The following NDUFA8 variants were observed in gnomAD, a reference collection of about 807,000 sequenced individuals.
The protein encoded by NDUFA8 is NADH dehydrogenase [ubiquinone] 1 alpha subcomplex subunit 8.
In NDUFA8, 16 loss-of-function variants were observed where a neutral mutation model predicts 20.9. The ratio of observed to expected loss-of-function variants is 0.77; its 90% CI spans 0.52 to 1.16. The LOEUF (loss-of-function observed/expected upper bound fraction) is 1.16. NDUFA8 is among the 50% of genes most tolerant of loss of function. The pLI is 0.00. For missense variants in NDUFA8, 202 were observed against 216.4 expected (o/e 0.93, Z 0.42); for synonymous variants, 70 against 76.1 (o/e 0.92, Z 0.41).
At position 122,146,874 on chromosome 9, in the gene NDUFA8, A is replaced by G. The variant is rs917405525; in HGVS notation, c.381+1238T>C. On this transcript the variant is annotated intron_variant, in intron 3 of 3. Coordinates refer to ENST00000373768, the MANE Select transcript of NDUFA8 (RefSeq NM_014222.3). ...TCGCACCACTGCATTCCAGCCTAGG[A>G]GAGAGAGTAAGACCTGAGTTTTTTC... 3.3e-5 allele frequency among the ~76,000 whole-genome samples: 5 copies of G among 152,156 alleles called. No individual in the cohort carries two copies. In the South Asian group the frequency reaches 1.0e-3, roughly 32 times the overall value.
chr9:122,147,020 C>T (rs184682427), intron 3 of NDUFA8, among the ~76,000 whole-genome samples: 36 of 152,346 alleles, frequency 2.4e-4, no homozygotes, highest in Admixed American at 1.4e-3. Flanking sequence ...TGCTTTATCT[C>T]ACCAGCAATG....
intron 2 of NDUFA8, among the ~76,000 whole-genome samples, chr9:122,151,250 C>G (rs1049143040): frequency 5.3e-5 from 8 of 152,144 alleles, no homozygotes; most frequent in Admixed American, 6.5e-5. Context: ...TCCGTAACAT[C>G]CTTCTAATTT....
chr9:122,151,743 T>C (rs1296296821), intron 2 of NDUFA8, among the ~76,000 whole-genome samples: 1 of 152,256 alleles, frequency 6.6e-6, no homozygotes, highest in Non-Finnish European at 1.5e-5. Flanking sequence ...AATAGAGTGC[T>C]AATATGCTTG....
chr9:122,157,829 T>C lies in NDUFA8; in HGVS notation c.51+1798A>G, dbSNP rs139026062. On this transcript the variant is annotated intron_variant, in intron 1 of 3. Transcript: ENST00000373768. ...ATAACAGTTGCCACTCTCACAGGCA[T>C]CTAAGATTAAATGAAGCATTGCAGG... Among the ~76,000 whole-genome samples, 911 of 152,278 alleles carry C rather than the reference T, an allele frequency of 6.0e-3. 11 individuals carry two copies. The highest frequency in any genetic ancestry group is 0.017 in the African/African-American group (718 of 41,560).
At chr9:122,133,168 G>A in the NDUFA8 span, among the ~76,000 whole-genome samples, 4 of 152,138 alleles carry the variant, frequency 2.6e-5, no homozygotes, top group Non-Finnish European at 5.9e-5. Flanking sequence ...GCCGAGCTGG[G>A]AATTGAACCC....
chr9:122,159,561 G>T lies in NDUFA8; in HGVS notation c.51+66C>A, dbSNP rs1178900354. ...CCCAGGATCCGCGGAGCCCAAGGGG[G>T]GCTAGGCCCAGGCCCGAGAAGCCGC... On this transcript the variant is annotated intron_variant, in intron 1 of 3. Transcript: ENST00000373768. The T allele has an allele frequency of 7.5e-6, 12 of 1,598,010 alleles. No homozygotes were observed. The Admixed American group carries it at 1.3e-4, about 18-fold the overall frequency.
chr9:122,148,869 T>C (rs981160664), intron 2 of NDUFA8, among the ~76,000 whole-genome samples: 6 of 152,190 alleles, frequency 3.9e-5, no homozygotes, highest in African/African-American at 1.4e-4. Flanking sequence ...AGTTATATTA[T>C]ATTTGGTATT....
At chr9:122,132,711 A>T in the NDUFA8 span, among the ~76,000 whole-genome samples, 9,701 of 152,188 alleles carry the variant, frequency 0.064, 1,041 homozygotes, top group African/African-American at 0.22. Context: ...TCCTGCTCGC[A>T]TGGGCTGGGC....
At position 122,144,380 on chromosome 9, in the gene NDUFA8, T is replaced by G; in HGVS notation, c.382-2A>C. ...TCGATCTGTTTTCACTTTGGTGACC[T>G]GGGAAGGGTGAAGAGGGCAAAAGCA... is the stretch of plus-strand genomic sequence containing the variant. On this transcript the variant is annotated splice_acceptor_variant, in intron 3 of 3. Transcript: ENST00000373768. LOFTEE classifies it high-confidence loss of function. 1 of 1,614,122 alleles carries G rather than the reference T, an allele frequency of 6.2e-7. No homozygotes were observed. Among genetic ancestry groups the G allele is most frequent in the East Asian group, 2.2e-5 (1 of 44,880 alleles).
Position 122,159,749 on chromosome 9 carries a change from G to C in NDUFA8, c.-72C>G, listed in dbSNP as rs970768339. The C allele has an allele frequency of 4.4e-6, 7 of 1,606,438 alleles. No individual in the cohort carries two copies. Among genetic ancestry groups the C allele is most frequent in the African/African-American group, 4.0e-5 (3 of 74,790 alleles). On this transcript the variant is annotated 5_prime_UTR_variant, in exon 1 of 4. Coordinates refer to ENST00000373768, the MANE Select transcript of NDUFA8 (RefSeq NM_014222.3). ...CCCCGTCTCCTTGAACTCCCCTTTC[G>C]ACCGCCGAGTGCCACACGGCGCCTG... is the stretch of plus-strand genomic sequence containing the variant.
intron 1 of NDUFA8, among the ~76,000 whole-genome samples, chr9:122,153,277 AAAATT>A (rs554867799): frequency 5.9e-5 from 9 of 151,556 alleles, no homozygotes; most frequent in Non-Finnish European, 8.8e-5. Context: ...AAAAAAAAAA[AAAATT>A]AAATTAAATT....
Position 122,159,727 on chromosome 9 carries a change from C to T in NDUFA8, c.-50G>A, listed in dbSNP as rs763412227. 7.4e-6 allele frequency: 12 copies of T among 1,613,356 alleles called. No individual in the cohort carries two copies. The East Asian group carries it at 2.0e-4, about 27-fold the overall frequency. ...GAGAAGCCCTCAGCCGCGTCGCCCC[C>T]GTCTCCTTGAACTCCCCTTTCGACC... On this transcript the variant is annotated 5_prime_UTR_variant, in exon 1 of 4. Coordinates refer to ENST00000373768, the MANE Select transcript of NDUFA8 (RefSeq NM_014222.3).
intron 3 of NDUFA8, among the ~76,000 whole-genome samples, chr9:122,146,330 T>A (rs1828904474): frequency 6.6e-6 from 1 of 152,178 alleles, no homozygotes; most frequent in Non-Finnish European, 1.5e-5. Flanking sequence ...TTAAAAAATG[T>A]TAATACAAAG....
intron 1 of NDUFA8, among the ~76,000 whole-genome samples, chr9:122,154,100 A>T (rs1829042687): frequency 6.6e-6 from 1 of 152,254 alleles, no homozygotes; most frequent in Admixed American, 6.5e-5. Flanking sequence ...GTGTGTGACT[A>T]GAACATAAGC....
chr9:122,139,068 A>G (rs141813426), downstream of NDUFA8, among the ~76,000 whole-genome samples: 53 of 152,280 alleles, frequency 3.5e-4, no homozygotes, highest in Middle Eastern at 6.8e-3. Flanking sequence ...AAACGTCCCT[A>G]TGAGAATAAA....
intron 2 of NDUFA8, among the ~76,000 whole-genome samples, chr9:122,151,884 C>T (rs1708688857): frequency 6.6e-6 from 1 of 152,194 alleles, no homozygotes. Context: ...GTAATGACAA[C>T]AACCTAGTGA....
rs779198340 is a variant in NDUFA8, at chr9:122,152,351, C to T, written c.109G>A (p.Asp37Asn). Residue 37 changes from aspartate to asparagine, a missense_variant, in exon 2 of 4, where the codon GAT (aspartate) becomes AAT (asparagine). By Grantham distance (23) the Asp-to-Asn change is conservative (BLOSUM62 1). Coordinates refer to ENST00000373768, the MANE Select transcript of NDUFA8 (RefSeq NM_014222.3). ...AGCATAAACTCCTTGTTGGGCTTAT[C>T]ACATTGAGCTCCATAGTGATGGGCC... The part of the protein sequence containing the change: ...AAAHHYGAQC[D>N]KPNKEFMLCR... 1.9e-6 allele frequency: 3 copies of T among 1,614,134 alleles called. No homozygotes were observed. In the East Asian group the frequency reaches 6.7e-5, roughly 36 times the overall value.
the NDUFA8 span, among the ~76,000 whole-genome samples, chr9:122,138,063 CAAAT>C: frequency 2.0e-5 from 3 of 152,140 alleles, no homozygotes; most frequent in African/African-American, 7.2e-5. Context: ...GTTCAACAAT[CAAAT>C]AAATAAATAA....
Position 122,159,705 on chromosome 9 carries a change from A to C in NDUFA8, c.-28T>G. 2.5e-6 allele frequency: 4 copies of C among 1,613,914 alleles called. No individual in the cohort carries two copies. The highest frequency in any genetic ancestry group is 3.4e-6 in the Non-Finnish European group (4 of 1,179,918). On this transcript the variant is annotated 5_prime_UTR_variant, in exon 1 of 4. Coordinates refer to ENST00000373768, the MANE Select transcript of NDUFA8 (RefSeq NM_014222.3). ...CGGCTGCAGCCCCGACCCCGACGAG[A>C]AGCCCTCAGCCGCGTCGCCCCCGTC... is the stretch of plus-strand genomic sequence containing the variant.
Sources: allele counts gnomAD v4.1 joint callset (sites outside exome capture counted in the v4.1 genomes callset), GRCh38; gene constraint gnomAD v4.1.1; transcripts MANE v1.5; gene names NCBI Gene and HGNC (gene_info 2026-07-23, HGNC 2026-07-21).